MACROD2: variants seen among roughly 807,000 people sequenced by gnomAD.
MACROD2 encodes mono-ADP ribosylhydrolase 2.
In MACROD2, 36 loss-of-function variants were observed where a neutral mutation model predicts 70.4. That is an observed-to-expected ratio of 0.51 (90% confidence interval 0.39 to 0.68). The LOEUF (loss-of-function observed/expected upper bound fraction) is 0.68. Ranked by LOEUF, MACROD2 falls within the 30% of genes least tolerant of loss-of-function variation. MACROD2 has a pLI of 0.00. For synonymous variants in MACROD2, 172 were observed against 178.8 expected (o/e 0.96, Z 0.30); for missense variants, 496 against 538.4 (o/e 0.92, Z 0.78).
At chr20:14,471,005 C>G (rs2123046208) in intron 3 of MACROD2, among the ~76,000 whole-genome samples, 1 of 152,264 alleles carries the variant, frequency 6.6e-6, no homozygotes, top group South Asian at 2.1e-4. Context: ...CGGTGTCTTC[C>G]CAAAAGGCCG....
Position 15,067,004 on chromosome 20 carries a change from A to G in MACROD2, c.419-162936A>G, listed in dbSNP as rs1444973944. Among the ~76,000 whole-genome samples the G allele has an allele frequency of 3.9e-5, 6 of 152,268 alleles. No homozygotes were observed. In the East Asian group the frequency reaches 1.2e-3, roughly 29 times the overall value. The stretch of plus-strand genomic sequence containing the variant: ...AGTCAAATTTCAAAACAAAAAAAAC[A>G]CAAAGAATGGAAAAAAAGTAACCAG... On this transcript the variant is annotated intron_variant, in intron 5 of 17. Transcript: ENST00000684519.
intron 5 of MACROD2, among the ~76,000 whole-genome samples, chr20:14,772,771 A>G (rs2072185592): frequency 1.3e-5 from 2 of 152,128 alleles, no homozygotes; most frequent in South Asian, 4.1e-4. Context: ...AAGAATAAAA[A>G]GAGAAGCAAT....
At chr20:14,764,103 G>A (rs76889099) in intron 5 of MACROD2, among the ~76,000 whole-genome samples, 179 of 152,074 alleles carry the variant, frequency 1.2e-3, no homozygotes, top group African/African-American at 4.1e-3. Flanking sequence ...GGCATTACCC[G>A]ACTCCCTTGC....
At chr20:14,251,165 A>G (rs543771624) in intron 3 of MACROD2, among the ~76,000 whole-genome samples, 3 of 152,276 alleles carry the variant, frequency 2.0e-5, no homozygotes, top group African/African-American at 4.8e-5. Context: ...CCTAACTGCC[A>G]TACACCAAAA....
intron 6 of MACROD2, among the ~76,000 whole-genome samples, chr20:15,354,919 G>A (rs1233585092): frequency 6.6e-6 from 1 of 151,212 alleles, no homozygotes; most frequent in Non-Finnish European, 1.5e-5. Flanking sequence ...TTTATCAATT[G>A]TGCACTAGTT....
At chr20:15,066,766 C>T (rs199693248) in intron 5 of MACROD2, among the ~76,000 whole-genome samples, 8 of 151,828 alleles carry the variant, frequency 5.3e-5, no homozygotes, top group African/African-American at 1.4e-4. Flanking sequence ...CCTGTAATTC[C>T]AGCTACTCAG....
At chr20:15,667,275 A>G (rs1165496352) in intron 8 of MACROD2, among the ~76,000 whole-genome samples, 1 of 151,988 alleles carries the variant, frequency 6.6e-6, no homozygotes, top group Non-Finnish European at 1.5e-5. Flanking sequence ...TCTCCATATG[A>G]TGTGCACGCT....
chr20:14,870,221 G>A (rs1010974150), intron 5 of MACROD2, among the ~76,000 whole-genome samples: 4 of 152,086 alleles, frequency 2.6e-5, no homozygotes, highest in Non-Finnish European at 5.9e-5. Context: ...CTGTTCCTGT[G>A]TTAGTTTGCT....
At chr20:14,804,259 A>G (rs1033723469) in intron 5 of MACROD2, among the ~76,000 whole-genome samples, 1 of 151,726 alleles carries the variant, frequency 6.6e-6, no homozygotes. Flanking sequence ...TTCTGTTTTT[A>G]GATAATTGTT....
At chr20:15,375,946 AATG>A (rs1165736631) in intron 6 of MACROD2, among the ~76,000 whole-genome samples, 1 of 152,134 alleles carries the variant, frequency 6.6e-6, no homozygotes, top group Non-Finnish European at 1.5e-5. Flanking sequence ...CAACAACAGT[AATG>A]ATGAATGAAT....
chr20:16,043,788 T>C (rs975211458), intron 16 of MACROD2, among the ~76,000 whole-genome samples: 18 of 152,244 alleles, frequency 1.2e-4, no homozygotes, highest in African/African-American at 3.6e-4. Context: ...AGGCCTGATA[T>C]TGACATTTTG....
At chr20:15,387,360 C>T (rs1418715386) in intron 6 of MACROD2, among the ~76,000 whole-genome samples, 1 of 123,444 alleles carries the variant, frequency 8.1e-6, no homozygotes, top group Non-Finnish European at 1.8e-5. Flanking sequence ...GCTTCTATTC[C>T]TCTCCCTTTC....
intron 3 of MACROD2, among the ~76,000 whole-genome samples, chr20:14,274,980 G>A (rs573385072): frequency 1.3e-5 from 2 of 152,160 alleles, no homozygotes; most frequent in South Asian, 4.2e-4. Context: ...ACAAACCAGC[G>A]CTCAATGAAA....
intron 8 of MACROD2, among the ~76,000 whole-genome samples, chr20:15,710,194 CA>C (rs67656339): frequency 0.54 from 55,057 of 102,560 alleles, 11,431 homozygotes; most frequent in Middle Eastern, 0.66. Flanking sequence ...ATCAAAAAGA[CA>C]AAAAAAAAAA....
At chr20:15,108,171 C>T (rs1403822420) in intron 5 of MACROD2, among the ~76,000 whole-genome samples, 1 of 152,020 alleles carries the variant, frequency 6.6e-6, no homozygotes, top group Non-Finnish European at 1.5e-5. Flanking sequence ...CAGTGTGCTT[C>T]CTGTTTCCAT....
At chr20:16,035,152 AAATAT>A (rs2067213781) in intron 15 of MACROD2, among the ~76,000 whole-genome samples, 1 of 89,354 alleles carries the variant, frequency 1.1e-5, no homozygotes, top group Non-Finnish European at 2.0e-5. Context: ...ATTATATATA[AAATAT>A]AATATAAAAT....
intron 3 of MACROD2, among the ~76,000 whole-genome samples, chr20:14,204,511 T>C (rs1319497854): frequency 1.3e-5 from 2 of 152,160 alleles, no homozygotes; most frequent in Non-Finnish European, 2.9e-5. Flanking sequence ...TGAACTCCTC[T>C]CTGAAACAAT....
intron 4 of MACROD2, among the ~76,000 whole-genome samples, chr20:14,643,527 A>C (rs376803997): frequency 6.6e-6 from 1 of 152,230 alleles, no homozygotes; most frequent in East Asian, 1.9e-4. Context: ...GACAGGCTTG[A>C]TGAGCTCTAG....
At chr20:16,041,588 ATTAC>A (rs773532139) in intron 16 of MACROD2, among the ~76,000 whole-genome samples, 2 of 152,082 alleles carry the variant, frequency 1.3e-5, no homozygotes, top group South Asian at 2.1e-4. Flanking sequence ...TTATGGAAGC[ATTAC>A]TTACTTCTGC....
Sources: gnomAD v4.1 joint callset for allele counts (sites outside exome capture counted in the v4.1 genomes callset) on GRCh38, gnomAD v4.1.1 for gene constraint, MANE v1.5 for transcripts, NCBI Gene and HGNC (gene_info 2026-07-23, HGNC 2026-07-21) for gene names.